RORA: variants seen among roughly 807,000 people sequenced by gnomAD.
RORA encodes nuclear receptor ROR-alpha.
In RORA, 7 loss-of-function variants were observed where a neutral mutation model predicts 69.5. The observed-to-expected ratio is 0.10, with a 90% CI of 0.06 to 0.19. RORA has a LOEUF of 0.19. RORA is among the 10% of genes least tolerant of loss of function. The probability of loss-of-function intolerance (pLI) is 1.00; values close to 1 mark genes in which losing one functional copy is unlikely to be tolerated. For missense variants in RORA, 457 were observed against 663.0 expected, an observed-to-expected ratio of 0.69 and a Z score of 3.41; for synonymous variants, 261 against 240.8, an observed-to-expected ratio of 1.08 and a Z score of -0.78.
At chr15:60,552,456 C>T (rs909504379) in intron 2 of RORA, among the ~76,000 whole-genome samples, 1 of 152,172 alleles carries the variant, frequency 6.6e-6, no homozygotes, top group African/African-American at 2.4e-5. Context: ...GCTGTCTCCA[C>T]ACATTAAGAA....
intron 1 of RORA, chr15:61,038,818 A>G (rs1305108674): frequency 6.6e-6 from 1 of 152,256 alleles, no homozygotes; most frequent in Non-Finnish European, 1.5e-5. Flanking sequence ...ACATGAAGAA[A>G]CAGAGCACCA....
intron 1 of RORA, among the ~76,000 whole-genome samples, chr15:60,719,767 G>T (rs1473983842): frequency 2.0e-5 from 3 of 152,184 alleles, no homozygotes; most frequent in Admixed American, 2.0e-4. Flanking sequence ...CCTTTGAAAA[G>T]TCAGCTTGTT....
intron 2 of RORA, among the ~76,000 whole-genome samples, chr15:60,669,608 T>A (rs2070434093): frequency 6.6e-6 from 1 of 152,048 alleles, no homozygotes; most frequent in Non-Finnish European, 1.5e-5. Context: ...TTCTTACTGG[T>A]CTCCCTTTTC....
intron 1 of RORA, among the ~76,000 whole-genome samples, chr15:60,726,584 T>C (rs557782552): frequency 6.6e-6 from 1 of 152,304 alleles, no homozygotes; most frequent in East Asian, 1.9e-4. Flanking sequence ...CAATCATCTC[T>C]TGAAAGACCA....
At chr15:60,849,439 G>A (rs2073301171) in intron 1 of RORA, among the ~76,000 whole-genome samples, 1 of 152,232 alleles carries the variant, frequency 6.6e-6, no homozygotes, top group Middle Eastern at 3.2e-3. Flanking sequence ...GACAGATACA[G>A]ATATTGGACA....
At chr15:61,144,076 A>G (rs2079324150) in intron 1 of RORA, among the ~76,000 whole-genome samples, 1 of 152,204 alleles carries the variant, frequency 6.6e-6, no homozygotes, top group African/African-American at 2.4e-5. Flanking sequence ...AGGAAAGAAC[A>G]AGAACCTTGT....
intron 1 of RORA, among the ~76,000 whole-genome samples, chr15:61,155,461 A>G (rs182626970): frequency 1.2e-3 from 177 of 152,330 alleles, no homozygotes; most frequent in Non-Finnish European, 1.9e-3. Flanking sequence ...TTATATTTTG[A>G]GAAGGAAAAA....
chr15:60,503,592 G>A lies in RORA; in HGVS notation c.1018C>T (p.Arg340Cys). Reference protein sequence around the residue: ...AIQYVVEFAKRIDGFMELCQN... With the variant: ...AIQYVVEFAKCIDGFMELCQN... ...CACAGTTCCATAAATCCATCAATGC[G>A]TTTGGCAAACTCCACCACATACTGT... The change falls in exon 7 of 11, where the codon CGC becomes TGC. Residue 340 changes from arginine to cysteine, a missense_variant. Physicochemically the swap from Arg to Cys is radical, Grantham distance 180 (BLOSUM62 -3). Around this residue, in one of 3 missense-constraint regions of RORA, gnomAD observed 304 missense variants for 447.4 expected, o/e 0.68. Coordinates refer to ENST00000335670, the MANE Select transcript of RORA (RefSeq NM_134261.3). 4 of 1,614,062 alleles carry A rather than the reference G, an allele frequency of 2.5e-6. No homozygotes were observed. Among genetic ancestry groups the A allele is most frequent in the East Asian group, 2.2e-5 (1 of 44,888 alleles).
intron 9 of RORA, among the ~76,000 whole-genome samples, chr15:60,500,404 G>A (rs572127401): frequency 1.8e-4 from 27 of 152,146 alleles, no homozygotes; most frequent in African/African-American, 6.3e-4. Context: ...TGTAATCTTT[G>A]TCAACTAAAA....
rs201242304 is a variant in RORA at position 61,229,129 on chromosome 15, C to T, written c.90G>A (p.Pro30=). 2.1e-3 allele frequency: 3,169 copies of T among 1,542,514 alleles called. 9 individuals carry two copies. The highest frequency in any genetic ancestry group is 2.5e-3 in the Admixed American group (126 of 50,732). ...TCTTGCGGGCGGATTCCTGGTTCAG[C>T]GGGGTCTCCCTGGAGCCGGCGGCCG... ...ADAAAGSRET[P]LNQESARKSE... The change falls in exon 1 of 11, where the codon CCG becomes CCA. Residue 30 remains proline (P), a synonymous_variant. Coordinates refer to ENST00000335670, the MANE Select transcript of RORA (RefSeq NM_134261.3).
intron 1 of RORA, among the ~76,000 whole-genome samples, chr15:61,067,727 A>G (rs2078284309): frequency 6.6e-6 from 1 of 152,186 alleles, no homozygotes; most frequent in Admixed American, 6.5e-5. Context: ...CTCAAAATAT[A>G]TACATATGTA....
chr15:61,224,428 G>A (rs892757871), intron 1 of RORA, among the ~76,000 whole-genome samples: 7 of 152,234 alleles, frequency 4.6e-5, no homozygotes, highest in Non-Finnish European at 7.3e-5. Flanking sequence ...CCACAGAAGT[G>A]TAAGCTAAGA....
At chr15:60,718,295 G>A (rs1304187469) in intron 1 of RORA, among the ~76,000 whole-genome samples, 2 of 152,138 alleles carry the variant, frequency 1.3e-5, no homozygotes, top group African/African-American at 2.4e-5. Context: ...TCTCATCCCT[G>A]ATGCTGCATT....
At chr15:60,846,688 G>C (rs989875680) in intron 1 of RORA, among the ~76,000 whole-genome samples, 1 of 152,208 alleles carries the variant, frequency 6.6e-6, no homozygotes, top group Non-Finnish European at 1.5e-5. Context: ...GGATGACAGG[G>C]TCAAGATGCC....
intron 1 of RORA, among the ~76,000 whole-genome samples, chr15:60,935,522 T>C (rs950975136): frequency 1.3e-5 from 2 of 152,156 alleles, no homozygotes; most frequent in Non-Finnish European, 2.9e-5. Context: ...AATACACCAG[T>C]GAAAACATCT....
In RORA at chr15:60,726,650, G is replaced by A. The variant is rs2071360727; in HGVS notation, c.167-47964C>T. ...GTAGGCCCCGCCTACAGCCTCGTCT[G>A]CATGTGTCTCCCGTGGGGCTGCAGA... On this transcript the variant is annotated intron_variant, in intron 1 of 10. Transcript: ENST00000335670. Among the ~76,000 whole-genome samples, 3 of 152,234 alleles carry A rather than the reference G, an allele frequency of 2.0e-5. No individual in the cohort carries two copies. The South Asian group carries it at 6.2e-4, about 32-fold the overall frequency.
intron 1 of RORA, among the ~76,000 whole-genome samples, chr15:60,707,835 G>A (rs1413908487): frequency 1.3e-5 from 2 of 152,164 alleles, no homozygotes; most frequent in African/African-American, 4.8e-5. Context: ...CCTCCAGCCT[G>A]GAATATCACC....
intron 1 of RORA, among the ~76,000 whole-genome samples, chr15:60,869,257 T>G (rs1286662009): frequency 3.3e-5 from 5 of 152,142 alleles, no homozygotes; most frequent in Non-Finnish European, 7.4e-5. Flanking sequence ...AATTAATAGG[T>G]AGGACCTTTC....
At chr15:60,577,288 C>CAGT (rs2068052978) in intron 2 of RORA, among the ~76,000 whole-genome samples, 1 of 152,190 alleles carries the variant, frequency 6.6e-6, no homozygotes. Context: ...ATGTCTCCTA[C>CAGT]AGTAAATTGT....
Sources: allele counts gnomAD v4.1 joint callset (sites outside exome capture counted in the v4.1 genomes callset), GRCh38; gene constraint gnomAD v4.1.1; regional missense constraint gnomAD v4.1.1; transcripts MANE v1.5; gene names NCBI Gene and HGNC (gene_info 2026-07-23, HGNC 2026-07-21).